TMEM116: variants seen among roughly 807,000 people sequenced by gnomAD.
The protein encoded by TMEM116 is transmembrane protein 116.
TMEM116 carries 38 observed loss-of-function variants against 44.3 expected under a neutral mutation model. The ratio of observed to expected loss-of-function variants is 0.86; its 90% CI spans 0.66 to 1.12. The LOEUF is 1.12. Among genes scored for constraint, TMEM116 ranks in the 50% most tolerant of loss-of-function variants. The pLI, the probability that TMEM116 is intolerant of heterozygous loss-of-function variation, is 0.00. For missense variants in TMEM116, 354 were observed against 401.7 expected, an observed-to-expected ratio of 0.88 and a Z score of 1.01; for synonymous variants, 132 against 144.8, an observed-to-expected ratio of 0.91 and a Z score of 0.64.
chr12:111,941,612 ATTT>A (rs2072827825), intron 5 of TMEM116, among the ~76,000 whole-genome samples: 1 of 152,182 alleles, frequency 6.6e-6, no homozygotes, highest in Non-Finnish European at 1.5e-5. Context: ...TGAATTAAAT[ATTT>A]TTATTATTGA....
intron 4 of TMEM116, among the ~76,000 whole-genome samples, chr12:111,968,023 GA>G (rs2075080135): frequency 6.6e-6 from 1 of 152,104 alleles, no homozygotes; most frequent in South Asian, 2.1e-4. Context: ...AGAGTCCAAG[GA>G]GACCAAGGTA....
At chr12:111,968,821 C>T (rs540735249) in intron 4 of TMEM116, among the ~76,000 whole-genome samples, 8 of 151,532 alleles carry the variant, frequency 5.3e-5, no homozygotes, top group Admixed American at 2.6e-4. Flanking sequence ...GGTGAAACCC[C>T]GTCTCTACTA....
chr12:111,983,818 A>G (rs769776212), intron 4 of TMEM116, among the ~76,000 whole-genome samples: 1 of 152,134 alleles, frequency 6.6e-6, no homozygotes. Flanking sequence ...ATGCTTCCCA[A>G]CTCATTCTAT....
intron 1 of TMEM116, among the ~76,000 whole-genome samples, chr12:112,007,975 T>G (rs979742883): frequency 6.6e-6 from 1 of 152,224 alleles, no homozygotes; most frequent in African/African-American, 2.4e-5. Context: ...CTAAAAGGGC[T>G]AGTCCAAGCT....
chr12:111,944,226 T>C (rs1327588299), intron 4 of TMEM116, among the ~76,000 whole-genome samples: 2 of 151,924 alleles, frequency 1.3e-5, no homozygotes, highest in Non-Finnish European at 2.9e-5. Flanking sequence ...CCTCCAGCCT[T>C]AAACAACTAA....
chr12:111,994,133 A>G (rs749872302), intron 3 of TMEM116, among the ~76,000 whole-genome samples: 3 of 152,242 alleles, frequency 2.0e-5, no homozygotes, highest in Non-Finnish European at 4.4e-5. Flanking sequence ...GAACTTTCAT[A>G]TATTTGACAG....
intron 5 of TMEM116, among the ~76,000 whole-genome samples, chr12:111,939,924 G>C (rs1223213421): frequency 7.0e-6 from 1 of 142,138 alleles, no homozygotes; most frequent in African/African-American, 2.7e-5. Flanking sequence ...GTGTGTGTGT[G>C]TGTGTGTGTG....
intron 4 of TMEM116, among the ~76,000 whole-genome samples, chr12:111,969,643 T>C (rs932500037): frequency 2.6e-5 from 4 of 152,134 alleles, no homozygotes; most frequent in Non-Finnish European, 4.4e-5. Context: ...AATGGTGCTA[T>C]CTTGGCTCAC....
chr12:111,932,797 C>T, intron 9 of TMEM116, 138 bp from the exon 10 acceptor site: 1 of 688,266 alleles, frequency 1.5e-6, no homozygotes, highest in South Asian at 1.8e-5. Context: ...ACTTGTTATG[C>T]AAACCAATGA....
At chr12:111,970,586 G>GTTT (rs200011351) in intron 4 of TMEM116, among the ~76,000 whole-genome samples, 13 of 133,476 alleles carry the variant, frequency 9.7e-5, no homozygotes, top group African/African-American at 2.5e-4. Flanking sequence ...AATCAAATGG[G>GTTT]TTTTTTTTTT....
intron 4 of TMEM116, among the ~76,000 whole-genome samples, chr12:111,982,446 G>T (rs765291766): frequency 1.1e-4 from 17 of 151,748 alleles, no homozygotes; most frequent in South Asian, 2.1e-4. Context: ...AACTACAGGC[G>T]CATGCCACTA....
At chr12:112,008,125 G>A (rs984138983) in intron 1 of TMEM116, among the ~76,000 whole-genome samples, 2 of 152,152 alleles carry the variant, frequency 1.3e-5, no homozygotes, top group Non-Finnish European at 2.9e-5. Flanking sequence ...AGGCTGCAGT[G>A]AGCTGTGTTT....
At chr12:111,965,422 C>G (rs1433567218) in intron 4 of TMEM116, among the ~76,000 whole-genome samples, 3 of 152,126 alleles carry the variant, frequency 2.0e-5, no homozygotes, top group Admixed American at 6.5e-5. Flanking sequence ...CTGTCTTGGT[C>G]TCCAGATCTT....
At chr12:112,005,213 C>A in intron 2 of TMEM116, 44 bp downstream of exon 2, 1 of 1,321,544 alleles carries the variant, frequency 7.6e-7, no homozygotes, top group Non-Finnish European at 9.8e-7. Flanking sequence ...AATTGACGAA[C>A]TTTGCTTATA....
intron 4 of TMEM116, among the ~76,000 whole-genome samples, chr12:111,949,621 A>G (rs1407779386): frequency 6.6e-6 from 1 of 152,200 alleles, no homozygotes; most frequent in Non-Finnish European, 1.5e-5. Flanking sequence ...AATCGCAATT[A>G]TGGTAAAGAA....
chr12:111,936,615 T>C, intron 8 of TMEM116, 77 bp downstream of exon 8: 1 of 1,518,640 alleles, frequency 6.6e-7, no homozygotes, highest in Non-Finnish European at 8.8e-7. Flanking sequence ...GCCCCATCTT[T>C]CCCAGGTCCT....
At chr12:111,993,184 C>T (rs2076718021) in intron 3 of TMEM116, 1 of 365,280 alleles carries the variant, frequency 2.7e-6, no homozygotes, top group South Asian at 2.7e-5. Flanking sequence ...AAGTATTATG[C>T]ATTGTGTGGC....
intron 4 of TMEM116, 43 bp from the exon 5 acceptor site, chr12:111,943,412 G>A: frequency 1.4e-6 from 2 of 1,394,764 alleles, no homozygotes; most frequent in East Asian, 2.3e-5. Context: ...ATCTCACTCT[G>A]ACACTGTGAA....
intron 4 of TMEM116, among the ~76,000 whole-genome samples, chr12:111,957,551 C>A (rs775967867): frequency 2.5e-4 from 38 of 151,574 alleles, no homozygotes; most frequent in Non-Finnish European, 4.4e-4. Context: ...CAGCCCCCGC[C>A]CAGCCAGCCG....
Sources: gnomAD v4.1 joint callset for allele counts (sites outside exome capture counted in the v4.1 genomes callset) on GRCh38, gnomAD v4.1.1 for gene constraint, MANE v1.5 for transcripts, NCBI Gene and HGNC (gene_info 2026-07-23, HGNC 2026-07-21) for gene names.